The following CEP152 variants were observed in gnomAD, a reference collection of about 807,000 sequenced individuals.
The protein encoded by CEP152 is centrosomal protein of 152 kDa.
Under a neutral mutation model 188.9 loss-of-function variants are expected in CEP152, and 132 were observed. That is an observed-to-expected ratio of 0.70 (90% CI 0.61 to 0.81). The LOEUF is 0.81. Ranked by LOEUF, CEP152 falls within the 30% of genes least tolerant of loss-of-function variation. CEP152 has a pLI of 0.00. For missense variants in CEP152, 1,914 were observed against 1,969.8 expected, an observed-to-expected ratio of 0.97 and a Z score of 0.54; for synonymous variants, 649 against 666.6, an observed-to-expected ratio of 0.97 and a Z score of 0.41.
At chr15:48,806,708 C>G (rs1421888103) in intron 1 of CEP152, among the ~76,000 whole-genome samples, 1 of 152,226 alleles carries the variant, frequency 6.6e-6, no homozygotes, top group Non-Finnish European at 1.5e-5. Context: ...CAGATACGAA[C>G]TATATCACAA....
At chr15:48,768,381 CTGAT>C (rs1486174537) in intron 14 of CEP152, 53 bp from the exon 15 acceptor site, 8 of 958,378 alleles carry the variant, frequency 8.3e-6, no homozygotes, top group African/African-American at 4.8e-5. Context: ...ATCATTTTCA[CTGAT>C]TGATTTTGTC....
rs138579717 is a variant in CEP152 at position 48,791,453 on chromosome 15, C to T, written c.833-77G>A. The T allele has an allele frequency of 2.9e-4, 360 of 1,241,462 alleles. 3 individuals carry two copies. In the African/African-American group the frequency reaches 4.2e-3, roughly 15 times the overall value. The allele number at this position is 1,241,462 out of a possible 1,614,324, so 76.9% of individuals were successfully genotyped here. On this transcript the variant is annotated intron_variant, in intron 7 of 26. Coordinates refer to ENST00000380950, the MANE Select transcript of CEP152 (RefSeq NM_001194998.2). The stretch of plus-strand genomic sequence containing the variant: ...ATGTCACAATCCCAATCAGATGTCA[C>T]GTCTGTATCATATATAAATGTTGTT...
In CEP152 at chr15:48,741,680, A is replaced by G; in HGVS notation, c.4014T>C (p.Ala1338=). The G allele has an allele frequency of 2.5e-6, 4 of 1,614,146 alleles. No homozygotes were observed. The highest frequency in any genetic ancestry group is 3.4e-6 in the Non-Finnish European group (4 of 1,180,014). ...KEGAEKKIMN[A]ASKLATMAKL... ...TTGCCATTGTAGCAAGTTTGCTAGC[A>G]GCATTCATAATCTTTTTCTCAGCCC... is the stretch of plus-strand genomic sequence containing the variant. Residue 1338 remains alanine (A), a synonymous_variant, in exon 26 of 27, where the codon GCT becomes GCC. Transcript: ENST00000380950.
chr15:48,738,376 G>T lies in CEP152; in HGVS notation c.5006C>A (p.Ser1669Ter). ...PSRHKADRLK[S>*]DFKKLSSTLP... ...TGTACTGCTCAGTTTTTTGAAATCTGACTTTAATCTATCAGCCTTATGACG... is the reference window on the plus strand; with the variant it reads ...TGTACTGCTCAGTTTTTTGAAATCTTACTTTAATCTATCAGCCTTATGACG... Residue 1669 changes from serine (S) to a stop codon, truncating the protein, a stop_gained, in exon 27 of 27, where the codon TCA (serine) becomes TAA (stop). Transcript: ENST00000380950. LOFTEE classifies it low-confidence loss of function (END_TRUNC). 1.2e-6 allele frequency: 2 copies of T among 1,614,104 alleles called. No homozygotes were observed. The highest frequency in any genetic ancestry group is 1.3e-5 in the African/African-American group (1 of 75,034).
At chr15:48,748,635 CT>C (rs767740955) in intron 21 of CEP152, 25 bp from the exon 22 acceptor site, 1 of 1,401,644 alleles carries the variant, frequency 7.1e-7, no homozygotes, top group South Asian at 1.6e-5. Flanking sequence ...TGACAGAAAA[CT>C]TTTATATCAG....
chr15:48,741,192 C>A, intron 26 of CEP152: 1 of 1,039,090 alleles, frequency 9.6e-7, no homozygotes, highest in Non-Finnish European at 1.2e-6. Flanking sequence ...TACAGTGGCA[C>A]AATCATAGCT....
intron 12 of CEP152, among the ~76,000 whole-genome samples, chr15:48,777,797 A>G (rs1469582384): frequency 6.6e-6 from 1 of 152,180 alleles, no homozygotes; most frequent in East Asian, 1.9e-4. Flanking sequence ...CAAATTATGC[A>G]TCCCCAATTT....
intron 20 of CEP152, among the ~76,000 whole-genome samples, chr15:48,753,393 T>A (rs1437562430): frequency 6.6e-6 from 1 of 152,242 alleles, no homozygotes; most frequent in Non-Finnish European, 1.5e-5. Flanking sequence ...AGGAACAGAA[T>A]AGGTGGTATG....
At chr15:48,733,914 CTT>C (rs1212070773), downstream of CEP152, among the ~76,000 whole-genome samples, 1 of 151,822 alleles carries the variant, frequency 6.6e-6, no homozygotes, top group Non-Finnish European at 1.5e-5. Context: ...ACATACTGTC[CTT>C]CATATATAAA....
At chr15:48,780,416 G>A (rs572671820) in intron 12 of CEP152, among the ~76,000 whole-genome samples, 12 of 152,126 alleles carry the variant, frequency 7.9e-5, no homozygotes, top group South Asian at 2.1e-4. Flanking sequence ...AAAACCTATC[G>A]TAGAGCAAAC....
At chr15:48,791,458 G>A (rs1395496372) in intron 7 of CEP152, 82 bp from the exon 8 acceptor site, 3 of 1,185,774 alleles carry the variant, frequency 2.5e-6, no homozygotes, top group African/African-American at 1.5e-5. Context: ...TGTCACGTCT[G>A]TATCATATAT....
chr15:48,730,112 G>C (rs1050076075), intron 2 of CEP152, among the ~76,000 whole-genome samples: 7 of 152,154 alleles, frequency 4.6e-5, no homozygotes, highest in African/African-American at 1.7e-4. Context: ...AACTTTGGAA[G>C]ATCAGTGAGA....
At chr15:48,764,986 T>G (rs924158201) in intron 17 of CEP152, among the ~76,000 whole-genome samples, 1 of 151,752 alleles carries the variant, frequency 6.6e-6, no homozygotes, top group South Asian at 2.1e-4. Flanking sequence ...TGTGAAACAT[T>G]TCCTTTAAAA....
At chr15:48,778,024 C>T (rs1371850688) in intron 12 of CEP152, among the ~76,000 whole-genome samples, 2 of 152,202 alleles carry the variant, frequency 1.3e-5, no homozygotes, top group Non-Finnish European at 2.9e-5. Context: ...CTTATGAAGC[C>T]TGCTGAGAAG....
At chr15:48,788,110 T>G (rs548911774) in intron 9 of CEP152, among the ~76,000 whole-genome samples, 1 of 152,318 alleles carries the variant, frequency 6.6e-6, no homozygotes, top group Admixed American at 6.5e-5. Flanking sequence ...CTGGTTAAGC[T>G]TCCAAGGTAA....
intron 26 of CEP152, among the ~76,000 whole-genome samples, chr15:48,739,722 T>C (rs779149853): frequency 6.6e-6 from 1 of 152,158 alleles, no homozygotes; most frequent in Non-Finnish European, 1.5e-5. Context: ...AATAGCTAAA[T>C]AGACTTTCTG....
At chr15:48,743,040 A>G (rs896792134) in intron 24 of CEP152, among the ~76,000 whole-genome samples, 1 of 152,222 alleles carries the variant, frequency 6.6e-6, no homozygotes, top group East Asian at 1.9e-4. Flanking sequence ...TTTCTAAAAA[A>G]TAACTAAAAC....
chr15:48,805,159 A>G (rs1897895670), intron 2 of CEP152, among the ~76,000 whole-genome samples: 1 of 152,158 alleles, frequency 6.6e-6, no homozygotes, highest in African/African-American at 2.4e-5. Flanking sequence ...ACTCACTCAA[A>G]TTACTTTACT....
intron 5 of CEP152, 143 bp downstream of exon 5, chr15:48,797,158 A>C: frequency 1.2e-6 from 1 of 866,204 alleles, no homozygotes; most frequent in South Asian, 1.5e-5. Context: ...ATTCACCATG[A>C]ACCTGAATAA....
Sources: allele counts gnomAD v4.1 joint callset (sites outside exome capture counted in the v4.1 genomes callset), GRCh38; gene constraint gnomAD v4.1.1; transcripts MANE v1.5; gene names NCBI Gene and HGNC (gene_info 2026-07-23, HGNC 2026-07-21).